Variants in PPP3CA observed in about 807,000 individuals in gnomAD.
The protein encoded by PPP3CA is CAM-PRP catalytic subunit.
A neutral mutation model predicts 66.5 loss-of-function variants in PPP3CA; 14 were observed. The ratio of observed to expected loss-of-function variants is 0.21; its 90% CI spans 0.14 to 0.33. The LOEUF is 0.33. PPP3CA is among the 10% of genes least tolerant of loss of function. PPP3CA has a pLI of 1.00. For missense variants in PPP3CA, 317 were observed against 639.5 expected (o/e 0.50, Z 5.44); for synonymous variants, 232 against 226.2 (o/e 1.03, Z -0.23).
chr4:101,090,575 G>T (rs565008347), intron 6 of PPP3CA, among the ~76,000 whole-genome samples: 16 of 149,742 alleles, frequency 1.1e-4, no homozygotes, highest in African/African-American at 3.9e-4. Flanking sequence ...CCGGGAGGTG[G>T]AGGTTGTGGT....
At chr4:101,100,213 T>A (rs374817061) in intron 3 of PPP3CA, among the ~76,000 whole-genome samples, 2 of 151,970 alleles carry the variant, frequency 1.3e-5, no homozygotes, top group African/African-American at 4.8e-5. Context: ...AGACAAGATG[T>A]TGGGAGAGAA....
chr4:101,275,625 G>T (rs556472947), intron 1 of PPP3CA, among the ~76,000 whole-genome samples: 3 of 152,188 alleles, frequency 2.0e-5, no homozygotes, highest in Admixed American at 1.3e-4. Flanking sequence ...TAAAACCAAA[G>T]AATCAAGGTC....
chr4:101,246,197 T>C (rs1185849384), intron 1 of PPP3CA, among the ~76,000 whole-genome samples: 1 of 152,214 alleles, frequency 6.6e-6, no homozygotes, highest in African/African-American at 2.4e-5. Context: ...AAAAGGTGCA[T>C]GTAGTAGGGA....
intron 1 of PPP3CA, among the ~76,000 whole-genome samples, chr4:101,247,877 G>A (rs1726539235): frequency 1.3e-5 from 2 of 151,816 alleles, no homozygotes; most frequent in South Asian, 4.1e-4. Context: ...CCTGAAGAGG[G>A]ACAAAAAACC....
At chr4:101,305,782 T>G (rs989164592) in intron 1 of PPP3CA, among the ~76,000 whole-genome samples, 2 of 152,198 alleles carry the variant, frequency 1.3e-5, no homozygotes, top group African/African-American at 2.4e-5. Context: ...GAGGGGGGTG[T>G]TTAAAAAGAA....
intron 1 of PPP3CA, among the ~76,000 whole-genome samples, chr4:101,301,817 A>ATT (rs1044248809): frequency 6.7e-6 from 1 of 148,180 alleles, no homozygotes; most frequent in African/African-American, 2.5e-5. Flanking sequence ...ATAGCACCAT[A>ATT]TTTTATATAT....
At chr4:101,032,966 T>TC (rs1241318650) in intron 11 of PPP3CA, among the ~76,000 whole-genome samples, 1 of 152,190 alleles carries the variant, frequency 6.6e-6, no homozygotes, top group Admixed American at 6.5e-5. Flanking sequence ...ATTTTTTTTT[T>TC]CAGTCACTTT....
At chr4:101,256,368 A>C (rs1257055824) in intron 1 of PPP3CA, among the ~76,000 whole-genome samples, 1 of 151,990 alleles carries the variant, frequency 6.6e-6, no homozygotes, top group Non-Finnish European at 1.5e-5. Flanking sequence ...ATTCTGGCAA[A>C]TCATCACTGG....
chr4:101,073,075 A>G (rs1180168598), intron 8 of PPP3CA, among the ~76,000 whole-genome samples: 2 of 151,912 alleles, frequency 1.3e-5, no homozygotes, highest in Non-Finnish European at 2.9e-5. Flanking sequence ...ATGCAATGAG[A>G]GGAGACATTC....
chr4:101,207,511 T>C (rs1031740209), intron 1 of PPP3CA, among the ~76,000 whole-genome samples: 1 of 152,098 alleles, frequency 6.6e-6, no homozygotes, highest in Non-Finnish European at 1.5e-5. Flanking sequence ...GAAAAATTTA[T>C]TGAGAAATAC....
At chr4:101,091,419 TTAAACCAC>T (rs1729935947) in intron 6 of PPP3CA, among the ~76,000 whole-genome samples, 2 of 152,294 alleles carry the variant, frequency 1.3e-5, no homozygotes, top group East Asian at 3.9e-4. Context: ...AATGGATTCA[TTAAACCAC>T]ATTTCCAAAA....
chr4:101,260,171 T>C (rs17184232), intron 1 of PPP3CA, among the ~76,000 whole-genome samples: 12,610 of 152,224 alleles, frequency 0.083, 799 homozygotes, highest in Non-Finnish European at 0.12. Flanking sequence ...AGGTGCAAAC[T>C]GCTATTCTAA....
intron 2 of PPP3CA, among the ~76,000 whole-genome samples, chr4:101,180,377 C>T (rs1246751746): frequency 6.6e-6 from 1 of 151,968 alleles, no homozygotes; most frequent in African/African-American, 2.4e-5. Flanking sequence ...AGGGAGCTAG[C>T]AAAAATCATA....
intron 1 of PPP3CA, among the ~76,000 whole-genome samples, chr4:101,333,100 T>C (rs1729441846): frequency 9.2e-6 from 1 of 109,274 alleles, no homozygotes; most frequent in East Asian, 2.9e-4. Context: ...TGCCATCTTC[T>C]TTCTTTTTTT....
At chr4:101,122,787 CGAG>C (rs1361104227) in intron 2 of PPP3CA, among the ~76,000 whole-genome samples, 2 of 151,906 alleles carry the variant, frequency 1.3e-5, no homozygotes, top group Non-Finnish European at 2.9e-5. Flanking sequence ...TAAGGTATTT[CGAG>C]GAGAACAATT....
intron 8 of PPP3CA, among the ~76,000 whole-genome samples, chr4:101,066,668 A>G (rs1241013086): frequency 1.3e-5 from 2 of 152,126 alleles, no homozygotes; most frequent in Non-Finnish European, 2.9e-5. Flanking sequence ...AAATAAATAT[A>G]TAACACAGAA....
At chr4:101,176,837 T>C (rs892282530) in intron 2 of PPP3CA, among the ~76,000 whole-genome samples, 1 of 152,068 alleles carries the variant, frequency 6.6e-6, no homozygotes, top group Non-Finnish European at 1.5e-5. Flanking sequence ...ATGTGACCAA[T>C]AAAATATCAA....
chr4:101,242,475 G>T (rs1236517385), intron 1 of PPP3CA, among the ~76,000 whole-genome samples: 1 of 151,824 alleles, frequency 6.6e-6, no homozygotes, highest in Non-Finnish European at 1.5e-5. Context: ...AAGTGCCAGA[G>T]AATAAAAATA....
At chr4:101,091,113 T>C (rs1729918244) in intron 6 of PPP3CA, among the ~76,000 whole-genome samples, 1 of 152,140 alleles carries the variant, frequency 6.6e-6, no homozygotes, top group South Asian at 2.1e-4. Flanking sequence ...AATGCTATAC[T>C]ATTATTAATG....
Sources: allele counts gnomAD v4.1 joint callset (sites outside exome capture counted in the v4.1 genomes callset), GRCh38; gene constraint gnomAD v4.1.1; transcripts MANE v1.5; gene names NCBI Gene and HGNC (gene_info 2026-07-23, HGNC 2026-07-21).